GSE1: variants seen among roughly 807,000 people sequenced by gnomAD.
GSE1 encodes Gse1 coiled-coil protein, also known as genetic suppressor element 1.
GSE1 carries 32 observed loss-of-function variants against 112.6 expected under a neutral mutation model. That is an observed-to-expected ratio of 0.28 (90% CI 0.21 to 0.38). The LOEUF is 0.38. Ranked by LOEUF, GSE1 falls within the 10% of genes least tolerant of loss-of-function variation. The pLI is 1.00. For missense variants in GSE1, 2,348 were observed against 1,699.2 expected (o/e 1.38, Z -6.71); for synonymous variants, 1,115 against 735.6 (o/e 1.52, Z -8.35).
intron 2 of GSE1, among the ~76,000 whole-genome samples, chr16:85,388,364 A>G (rs1334454707): frequency 1.4e-4 from 1 of 7,248 alleles, no homozygotes. Flanking sequence ...GGGTGAGTGG[A>G]TGGGCGGGTG....
chr16:85,270,070 C>T (rs1053975371), intron 1 of GSE1, among the ~76,000 whole-genome samples: 1 of 149,122 alleles, frequency 6.7e-6, no homozygotes, highest in Non-Finnish European at 1.5e-5. Flanking sequence ...CATGCTCCTC[C>T]TTCCATGCGG....
At chr16:85,581,386 A>G (rs1441611650) in intron 1 of GSE1, among the ~76,000 whole-genome samples, 2 of 152,182 alleles carry the variant, frequency 1.3e-5, no homozygotes, top group Non-Finnish European at 2.9e-5. Context: ...GTCCCTGGCA[A>G]CTGAATGCAG....
At chr16:85,562,781 CT>C (rs2045581314) in intron 1 of GSE1, among the ~76,000 whole-genome samples, 7 of 152,246 alleles carry the variant, frequency 4.6e-5, no homozygotes, top group Admixed American at 4.6e-4. Flanking sequence ...ATGGAGTCAC[CT>C]GGTCTACCCT....
At chr16:85,459,485 T>C (rs2049917387) in intron 2 of GSE1, among the ~76,000 whole-genome samples, 1 of 152,224 alleles carries the variant, frequency 6.6e-6, no homozygotes, top group South Asian at 2.1e-4. Flanking sequence ...TGGGCTCTTG[T>C]TGGCTCCCAT....
In GSE1 at chr16:85,661,235, T is replaced by A. The variant is rs969948300; in HGVS notation, c.1730T>A (p.Leu577His). The change falls in exon 9 of 16, where the codon CTC becomes CAC. Residue 577 changes from leucine to histidine, a missense_variant. Physicochemically the swap from Leu to His is moderately conservative, Grantham distance 99 (BLOSUM62 -3). Transcript: ENST00000253458. ...CCTCTGATTTCGCCCAAGCCCCAGC[T>A]CCATGCTGCACCCACGGCCCTCTGG... is the stretch of plus-strand genomic sequence containing the variant. ...PPPLISPKPQ[L>H]HAAPTALWNP... is the part of the protein sequence containing the mutation. The A allele has an allele frequency of 6.2e-7, 1 of 1,612,516 alleles. No individual in the cohort carries two copies. The highest frequency in any genetic ancestry group is 1.7e-5 in the Admixed American group (1 of 60,016).
At chr16:85,308,514 A>G (rs376351437) in intron 1 of GSE1, among the ~76,000 whole-genome samples, 5 of 152,264 alleles carry the variant, frequency 3.3e-5, no homozygotes, top group African/African-American at 9.6e-5. Flanking sequence ...TCAGAAAACA[A>G]ACTCCTCGGG....
At chr16:85,583,904 T>C (rs983992692) in intron 1 of GSE1, among the ~76,000 whole-genome samples, 6 of 152,184 alleles carry the variant, frequency 3.9e-5, no homozygotes, top group African/African-American at 2.4e-5. Context: ...GCAGCTTTTA[T>C]GTAAAGACAG....
intron 1 of GSE1, among the ~76,000 whole-genome samples, chr16:85,272,446 GA>G (rs113598662): frequency 0.095 from 14,415 of 152,224 alleles, 1,866 homozygotes; most frequent in African/African-American, 0.3. Context: ...TATTTTCCTG[GA>G]AAACGGTCTG....
Position 85,655,879 on chromosome 16 carries a change from G to A in GSE1, c.951G>A (p.Ala317=), listed in dbSNP as rs766522971. Residue 317 remains alanine, a synonymous_variant, in exon 6 of 16, where the codon GCG becomes GCA. Coordinates refer to ENST00000253458, the MANE Select transcript of GSE1 (RefSeq NM_014615.5). The part of the protein sequence containing the change: ...PPELSHSSLA[A]LHSERMSGLS... The stretch of plus-strand genomic sequence containing the variant: ...AGCTCTCCCACTCATCCCTGGCAGC[G>A]CTGCACTCGGAGCGCATGTCTGGCC... 1.3e-5 allele frequency: 21 copies of A among 1,607,282 alleles called. No individual in the cohort carries two copies. Among genetic ancestry groups the A allele is most frequent in the East Asian group, 4.5e-5 (2 of 44,892 alleles).
At chr16:85,594,041 C>G (rs2047110628) in intron 1 of GSE1, 1 of 152,140 alleles carries the variant, frequency 6.6e-6, no homozygotes, top group Non-Finnish European at 1.5e-5. Flanking sequence ...CATTCATTAC[C>G]CGGCTTGGTT....
intron 2 of GSE1, among the ~76,000 whole-genome samples, chr16:85,404,449 G>A (rs1164519085): frequency 9.5e-4 from 8 of 8,456 alleles, no homozygotes; most frequent in Admixed American, 1.7e-3. Context: ...AATCCTCACT[G>A]TTACACTCAG....
chr16:85,637,752 A>G (rs1425627613), intron 2 of GSE1, among the ~76,000 whole-genome samples: 1 of 150,976 alleles, frequency 6.6e-6, no homozygotes, highest in Non-Finnish European at 1.5e-5. Context: ...CCCTGCAGAA[A>G]GGGAGACCGG....
intron 2 of GSE1, among the ~76,000 whole-genome samples, chr16:85,489,569 G>T (rs1190604509): frequency 1.2e-5 from 1 of 82,832 alleles, no homozygotes; most frequent in Non-Finnish European, 2.4e-5. Flanking sequence ...CACAGCCCCC[G>T]CCCCATAGCA....
At chr16:85,645,001 G>T (rs2050736429) in intron 2 of GSE1, among the ~76,000 whole-genome samples, 2 of 151,924 alleles carry the variant, frequency 1.3e-5, no homozygotes, top group African/African-American at 2.4e-5. Context: ...GATCAGGAGG[G>T]CTGAGGCCTG....
At chr16:85,310,659 A>G (rs2045813934) in intron 1 of GSE1, among the ~76,000 whole-genome samples, 1 of 151,944 alleles carries the variant, frequency 6.6e-6, no homozygotes, top group African/African-American at 2.4e-5. Context: ...GCTGGCAGGG[A>G]GGGAGGGAGG....
At chr16:85,529,134 T>G (rs1189888585) in intron 2 of GSE1, among the ~76,000 whole-genome samples, 2 of 152,028 alleles carry the variant, frequency 1.3e-5, no homozygotes, top group Non-Finnish European at 1.5e-5. Context: ...TCGGACCGGG[T>G]TAGACTTGGT....
chr16:85,555,484 C>G (rs1261075681), upstream of GSE1: 3 of 985,168 alleles, frequency 3.0e-6, no homozygotes, highest in Non-Finnish European at 3.6e-6. Context: ...GCAATCGCCG[C>G]CTCTTTTATT....
rs376197987 is a variant in GSE1, at chr16:85,443,093, T to C, written c.2464+85450T>C. On this transcript the variant is annotated intron_variant, in intron 2 of 2. Transcript: ENST00000637419. The stretch of plus-strand genomic sequence containing the variant: ...GGTCTCATCTGAGATCTCTGATTGA[T>C]GACATCTGCGAAGATCCTCTTCCCA... Among the ~76,000 whole-genome samples, 46 of 152,332 alleles carry C rather than the reference T, an allele frequency of 3.0e-4. 1 individual carries two copies. The Middle Eastern group carries it at 0.01, about 34-fold the overall frequency.
intron 1 of GSE1, among the ~76,000 whole-genome samples, chr16:85,563,974 C>T (rs1156835996): frequency 6.6e-6 from 1 of 152,254 alleles, no homozygotes; most frequent in Non-Finnish European, 1.5e-5. Flanking sequence ...GCCTCCCCTT[C>T]CCAAGCACCT....
Sources: allele counts gnomAD v4.1 joint callset (sites outside exome capture counted in the v4.1 genomes callset), GRCh38; gene constraint gnomAD v4.1.1; transcripts MANE v1.5; gene names NCBI Gene and HGNC (gene_info 2026-07-23, HGNC 2026-07-21).